Variants in GINM1 observed in about 807,000 individuals in gnomAD.
The protein encoded by GINM1 is glycoprotein integral membrane protein 1.
A neutral mutation model predicts 37.8 loss-of-function variants in GINM1; 29 were observed. That is an observed-to-expected ratio of 0.77 (90% CI 0.57 to 1.05). The LOEUF (loss-of-function observed/expected upper bound fraction) is 1.05. Among genes scored for constraint, GINM1 ranks in the 50% least tolerant of loss-of-function variants. GINM1 has a pLI of 0.00. For missense variants in GINM1, 377 were observed against 397.9 expected, an observed-to-expected ratio of 0.95 and a Z score of 0.45; for synonymous variants, 143 against 146.2, an observed-to-expected ratio of 0.98 and a Z score of 0.16.
chr6:149,571,797 A>C (rs1172422135), intron 1 of GINM1, among the ~76,000 whole-genome samples: 1 of 152,120 alleles, frequency 6.6e-6, no homozygotes, highest in Non-Finnish European at 1.5e-5. Context: ...ATTATAAAAA[A>C]TTAGACCGGG....
At chr6:149,579,299 A>T (rs1777962158) in intron 4 of GINM1, among the ~76,000 whole-genome samples, 1 of 152,230 alleles carries the variant, frequency 6.6e-6, no homozygotes, top group Non-Finnish European at 1.5e-5. Context: ...AATGAAGTAG[A>T]ATCGAGATTA....
chr6:149,573,752 T>C (rs964913634), intron 3 of GINM1, among the ~76,000 whole-genome samples: 5 of 151,086 alleles, frequency 3.3e-5, no homozygotes. Flanking sequence ...GTGCCTGTAG[T>C]CCCAGCTACT....
At chr6:149,568,918 G>A (rs896626130) in intron 1 of GINM1, among the ~76,000 whole-genome samples, 6 of 151,974 alleles carry the variant, frequency 3.9e-5, no homozygotes, top group African/African-American at 1.2e-4. Flanking sequence ...TGCAGCCTCT[G>A]CCTCCCAGGT....
chr6:149,590,874 G>A lies in GINM1; in HGVS notation c.*36G>A. On this transcript the variant is annotated 3_prime_UTR_variant, in exon 8 of 8. Transcript: ENST00000367419. ...CATATCATGGACTCCGAAGTAGCCT[G>A]TTGCCTCCAAATTTGCCACTTGAAT... 3 of 971,482 alleles carry A rather than the reference G, an allele frequency of 3.1e-6. No homozygotes were observed. The highest frequency in any genetic ancestry group is 4.9e-6 in the Non-Finnish European group (3 of 615,888). The allele number at this position is 971,482 out of a possible 1,614,324, so 60.2% of individuals were successfully genotyped here.
chr6:149,587,475 G>C (rs1000959707), intron 7 of GINM1, among the ~76,000 whole-genome samples: 2 of 152,148 alleles, frequency 1.3e-5, no homozygotes, highest in African/African-American at 4.8e-5. Flanking sequence ...CTTCCTCTTT[G>C]GGTTTGATTA....
chr6:149,569,358 G>A (rs975925890), intron 1 of GINM1, among the ~76,000 whole-genome samples: 3 of 107,134 alleles, frequency 2.8e-5, no homozygotes, highest in East Asian at 4.1e-4. Flanking sequence ...TTTTTTTGAC[G>A]TGAAGTCTCG....
chr6:149,573,265 A>G (rs1198160510), intron 3 of GINM1, among the ~76,000 whole-genome samples: 1 of 152,156 alleles, frequency 6.6e-6, no homozygotes, highest in Non-Finnish European at 1.5e-5. Context: ...AGATCACGCC[A>G]CTGCACTCTA....
chr6:149,566,661 G>T lies in GINM1; in HGVS notation c.120+127G>T. The T allele has an allele frequency of 7.8e-7, 1 of 1,276,092 alleles. No homozygotes were observed. Among genetic ancestry groups the T allele is most frequent in the Non-Finnish European group, 1.0e-6 (1 of 980,724 alleles). The allele number at this position is 1,276,092 out of a possible 1,614,324, so 79.0% of individuals were successfully genotyped here. On this transcript the variant is annotated intron_variant, in intron 1 of 7. Coordinates refer to ENST00000367419, the MANE Select transcript of GINM1 (RefSeq NM_138785.5). This position sits in a 1 kb window ranked among gnomAD's most constrained non-coding sequence, Gnocchi z 4.4. Reference sequence around the variant, plus strand: ...GCGGGGGTCCGGGCCCCCGAAGGAGGTGTGGGGAGAAGCACCCCAGGAAAT... The same window carrying T: ...GCGGGGGTCCGGGCCCCCGAAGGAGTTGTGGGGAGAAGCACCCCAGGAAAT...
chr6:149,571,462 CA>C (rs1474042869), intron 1 of GINM1, among the ~76,000 whole-genome samples: 1 of 152,108 alleles, frequency 6.6e-6, no homozygotes, highest in Non-Finnish European at 1.5e-5. Context: ...TCAACAGTAT[CA>C]ACTACAGTTA....
intron 6 of GINM1, 48 bp downstream of exon 6, chr6:149,580,771 A>G (rs766932577): frequency 2.6e-6 from 4 of 1,539,488 alleles, no homozygotes; most frequent in South Asian, 1.1e-5. Context: ...GTTAAGATGA[A>G]GAAAATCGAC....
chr6:149,586,776 G>A (rs936996439), intron 7 of GINM1, among the ~76,000 whole-genome samples: 6 of 151,856 alleles, frequency 4.0e-5, no homozygotes, highest in African/African-American at 1.5e-4. Flanking sequence ...TTTGAGACAA[G>A]GTCTCACCTT....
At position 149,578,937 on chromosome 6, in the gene GINM1, C is replaced by A; in HGVS notation, c.393C>A (p.Val131=). ...MTSGSSLQLI[V]IQEEVVEIDG... is the part of the protein sequence containing the mutation. ...CTGGTTCCAGTTTGCAACTAATTGT[C>A]ATTCAAGAAGAGGTAGTAGAGATTG... is the stretch of plus-strand genomic sequence containing the variant. Residue 131 remains valine (V), a synonymous_variant, in exon 4 of 8, where the codon GTC becomes GTA. Coordinates refer to ENST00000367419, the MANE Select transcript of GINM1 (RefSeq NM_138785.5). 1 of 1,604,480 alleles carries A rather than the reference C, an allele frequency of 6.2e-7. No homozygotes were observed. Among genetic ancestry groups the A allele is most frequent in the South Asian group, 1.1e-5 (1 of 90,402 alleles).
chr6:149,581,019 T>C (rs1342908472), intron 6 of GINM1, among the ~76,000 whole-genome samples: 1 of 152,196 alleles, frequency 6.6e-6, no homozygotes, highest in Admixed American at 6.6e-5. Flanking sequence ...CTGTACCCGC[T>C]ACCTCGCATA....
chr6:149,588,646 CA>C (rs1166911359), intron 7 of GINM1, among the ~76,000 whole-genome samples: 2 of 152,030 alleles, frequency 1.3e-5, no homozygotes, highest in Admixed American at 6.6e-5. Context: ...TTTTTAAAGA[CA>C]GGGTTTTGTT....
rs1055856281 is a variant in GINM1, at chr6:149,566,563, T to A, written c.120+29T>A. The A allele has an allele frequency of 1.4e-5, 21 of 1,467,706 alleles. No individual in the cohort carries two copies. The highest frequency in any genetic ancestry group is 1.8e-4 in the Middle Eastern group (1 of 5,472). The allele number at this position is 1,467,706 out of a possible 1,614,324, so 90.9% of individuals were successfully genotyped here. A position where few individuals can be genotyped will look rare whatever the true frequency, so the allele number is the denominator to read the frequency against. On this transcript the variant is annotated intron_variant, in intron 1 of 7. Transcript: ENST00000367419. The surrounding 1 kb of genome is among the most constrained non-coding windows in gnomAD (Gnocchi z 4.4). ...GGGCAGGGCGGGCCTGGCTGGCCGC[T>A]TTACGACTCCGACTCTCCGGGAGGC...
At chr6:149,582,659 A>G (rs1011930686) in intron 7 of GINM1, 56 bp downstream of exon 7, 1 of 1,219,334 alleles carries the variant, frequency 8.2e-7, no homozygotes, top group African/African-American at 1.6e-5. Context: ...AAAGTGAGAC[A>G]TATTTGCTAT....
chr6:149,589,606 C>G (rs1778123156), intron 7 of GINM1, among the ~76,000 whole-genome samples: 2 of 152,106 alleles, frequency 1.3e-5, no homozygotes, highest in Non-Finnish European at 2.9e-5. Context: ...TTTCTGTATA[C>G]TTTTAAAGCT....
In GINM1 at chr6:149,579,830, A is replaced by G; in HGVS notation, c.430-4A>G. On this transcript the variant is annotated splice_polypyrimidine_tract_variant and splice_region_variant and intron_variant, in intron 4 of 7. Transcript: ENST00000367419. The stretch of plus-strand genomic sequence containing the variant: ...ATAAAGAATAATTATATTTTCTTTC[A>G]CAGGTTCAGCAAAAGGATGTCACTG... 6.4e-7 allele frequency: 1 copy of G among 1,567,128 alleles called. No individual in the cohort carries two copies. The highest frequency in any genetic ancestry group is 8.7e-7 in the Non-Finnish European group (1 of 1,155,690).
In GINM1 at chr6:149,582,598, A is replaced by G; in HGVS notation, c.876A>G (p.Glu292=). 6.4e-7 allele frequency: 1 copy of G among 1,568,860 alleles called. No individual in the cohort carries two copies. Residue 292 remains glutamate, a synonymous_variant, in exon 7 of 8, where the codon GAA becomes GAG. Coordinates refer to ENST00000367419, the MANE Select transcript of GINM1 (RefSeq NM_138785.5). ...TAAAGGTGTTTTTCCCAGTTTCTGAATACAAGTAAGTATTTCTTATTTTTG... is the reference window on the plus strand; with the variant it reads ...TAAAGGTGTTTTTCCCAGTTTCTGAGTACAAGTAAGTATTTCTTATTTTTG... ...TILKVFFPVS[E]YKGILQLDKV... is the part of the protein sequence containing the mutation.
Sources: gnomAD v4.1 joint callset for allele counts (sites outside exome capture counted in the v4.1 genomes callset) on GRCh38, gnomAD v4.1.1 for gene constraint, Gnocchi (gnomAD v3.1) non-coding constraint, MANE v1.5 for transcripts, NCBI Gene and HGNC (gene_info 2026-07-23, HGNC 2026-07-21) for gene names.